Variants in SLC24A3 observed in about 807,000 individuals in gnomAD.
The protein encoded by SLC24A3 is sodium/potassium/calcium exchanger 3.
A neutral mutation model predicts 75.8 loss-of-function variants in SLC24A3; 28 were observed. The observed-to-expected ratio is 0.37, with a 90% CI of 0.27 to 0.51. The LOEUF (loss-of-function observed/expected upper bound fraction) is 0.51, where lower values mean the gene tolerates loss of function less well. Among genes scored for constraint, SLC24A3 ranks in the 20% least tolerant of loss-of-function variants. The pLI, the probability that SLC24A3 is intolerant of heterozygous loss-of-function variation, is 0.94. For synonymous variants in SLC24A3, 372 were observed against 334.1 expected (o/e 1.11, Z -1.24); for missense variants, 663 against 847.8 (o/e 0.78, Z 2.71).
chr20:19,651,400 CATAT>C (rs59934913), intron 6 of SLC24A3, among the ~76,000 whole-genome samples: 3 of 142,510 alleles, frequency 2.1e-5, no homozygotes, highest in African/African-American at 5.2e-5. Flanking sequence ...TATATACACA[CATAT>C]ATATATATAT....
rs1220914195 is a variant in SLC24A3 at position 19,668,009 on chromosome 20, C to T, written c.713+2120C>T. Among the ~76,000 whole-genome samples the T allele has an allele frequency of 5.9e-5, 9 of 152,268 alleles. No individual in the cohort carries two copies. The East Asian group carries it at 1.5e-3, about 26-fold the overall frequency. ...TGGATACATGAGTTGCAAATCCCCTCGTGTGTCTTGATCTATCTGGGGGGC... is the reference window on the plus strand; with the variant it reads ...TGGATACATGAGTTGCAAATCCCCTTGTGTGTCTTGATCTATCTGGGGGGC... On this transcript the variant is annotated intron_variant, in intron 8 of 16. Coordinates refer to ENST00000328041, the MANE Select transcript of SLC24A3 (RefSeq NM_020689.4).
At chr20:19,433,571 CT>C (rs1568616680) in intron 2 of SLC24A3, among the ~76,000 whole-genome samples, 1 of 152,182 alleles carries the variant, frequency 6.6e-6, no homozygotes, top group African/African-American at 2.4e-5. Context: ...CAAAATTCTT[CT>C]GCTGCCTTGT....
At chr20:19,366,721 A>G (rs935389928) in intron 2 of SLC24A3, among the ~76,000 whole-genome samples, 1 of 152,192 alleles carries the variant, frequency 6.6e-6, no homozygotes, top group South Asian at 2.1e-4. Context: ...AAGAAAAAAA[A>G]ATAGGGGCTG....
intron 1 of SLC24A3, among the ~76,000 whole-genome samples, chr20:19,250,179 T>A (rs1295314350): frequency 1.3e-5 from 2 of 152,246 alleles, no homozygotes; most frequent in Non-Finnish European, 2.9e-5. Flanking sequence ...CTTAAATTGC[T>A]GTCATTTTTG....
intron 2 of SLC24A3, among the ~76,000 whole-genome samples, chr20:19,452,376 ATGTG>A (rs34840970): frequency 0.077 from 8,728 of 112,900 alleles, 268 homozygotes; most frequent in Middle Eastern, 0.12. Context: ...CCTGTGGGGG[ATGTG>A]TGTGTGTGTG....
rs994175044 is a variant in SLC24A3, at chr20:19,641,425, G to C, written c.613-12637G>C. ...TAAATTTTTATTATAAATATAAAAG[G>C]GATATTAAAACAGATCTGCTGTATA... On this transcript the variant is annotated intron_variant, in intron 6 of 16. Transcript: ENST00000328041. Among the ~76,000 whole-genome samples the C allele has an allele frequency of 2.6e-5, 4 of 152,268 alleles. No homozygotes were observed. The South Asian group carries it at 8.3e-4, about 32-fold the overall frequency.
intron 2 of SLC24A3, among the ~76,000 whole-genome samples, chr20:19,378,124 A>T (rs1986117885): frequency 6.6e-6 from 1 of 151,988 alleles, no homozygotes; most frequent in South Asian, 2.1e-4. Flanking sequence ...GAGGTTTTGG[A>T]TGGAGAGTGC....
chr20:19,356,375 T>G (rs1219006799), intron 2 of SLC24A3, among the ~76,000 whole-genome samples: 1 of 152,238 alleles, frequency 6.6e-6, no homozygotes, highest in Non-Finnish European at 1.5e-5. Context: ...CACAAATGTA[T>G]GTACCCATGA....
chr20:19,261,396 G>A (rs992650741), intron 1 of SLC24A3, among the ~76,000 whole-genome samples: 5 of 152,180 alleles, frequency 3.3e-5, no homozygotes, highest in African/African-American at 1.2e-4. Flanking sequence ...GAGTGCAGTG[G>A]TGTGGCATGA....
intron 1 of SLC24A3, among the ~76,000 whole-genome samples, chr20:19,275,885 T>C (rs1309881069): frequency 1.3e-5 from 2 of 152,126 alleles, no homozygotes; most frequent in African/African-American, 2.4e-5. Flanking sequence ...ACATGTGACA[T>C]GTGAGCCTGC....
At chr20:19,515,619 G>C in intron 3 of SLC24A3, 55 bp downstream of exon 3, 1 of 1,578,178 alleles carries the variant, frequency 6.3e-7, no homozygotes, top group East Asian at 2.2e-5. Context: ...GCCTAGGGGT[G>C]TGGGGTGTGG....
intron 2 of SLC24A3, among the ~76,000 whole-genome samples, chr20:19,359,276 T>C (rs1600446863): frequency 6.6e-6 from 1 of 152,354 alleles, no homozygotes; most frequent in East Asian, 1.9e-4. Context: ...TCTTGTTCTT[T>C]CAAATTTCCC....
chr20:19,506,892 T>C (rs563019668), intron 2 of SLC24A3, among the ~76,000 whole-genome samples: 1 of 152,296 alleles, frequency 6.6e-6, no homozygotes, highest in South Asian at 2.1e-4. Flanking sequence ...TAAGATATGA[T>C]CTTTAGAACG....
At chr20:19,263,022 C>T (rs1983041612) in intron 1 of SLC24A3, among the ~76,000 whole-genome samples, 1 of 144,078 alleles carries the variant, frequency 6.9e-6, no homozygotes, top group African/African-American at 2.6e-5. Flanking sequence ...CTCCATCACC[C>T]ACTCCAGCCT....
chr20:19,278,364 C>T (rs1361346595), intron 1 of SLC24A3, among the ~76,000 whole-genome samples: 1 of 152,216 alleles, frequency 6.6e-6, no homozygotes, highest in Non-Finnish European at 1.5e-5. Flanking sequence ...CTACTCTGCT[C>T]TTCTACCGAT....
chr20:19,617,274 C>T (rs140434942), intron 6 of SLC24A3, among the ~76,000 whole-genome samples: 242 of 152,324 alleles, frequency 1.6e-3, no homozygotes, highest in African/African-American at 5.5e-3. Flanking sequence ...TGCAAGCCAG[C>T]GCATCTGTGC....
At chr20:19,482,408 G>A (rs1988069875) in intron 2 of SLC24A3, among the ~76,000 whole-genome samples, 1 of 152,066 alleles carries the variant, frequency 6.6e-6, no homozygotes. Context: ...CTCCAAATCT[G>A]CTTGCCCCTC....
At chr20:19,447,259 C>G (rs1240428542) in intron 2 of SLC24A3, among the ~76,000 whole-genome samples, 1 of 152,118 alleles carries the variant, frequency 6.6e-6, no homozygotes, top group Admixed American at 6.5e-5. Flanking sequence ...CCAATGTAGT[C>G]AGTTCTCAAT....
At chr20:19,345,937 G>C (rs961073741) in intron 2 of SLC24A3, among the ~76,000 whole-genome samples, 1 of 151,168 alleles carries the variant, frequency 6.6e-6, no homozygotes, top group Non-Finnish European at 1.5e-5. Context: ...CCACTACTAG[G>C]TATCTACCCA....
Sources: gnomAD v4.1 joint callset for allele counts (sites outside exome capture counted in the v4.1 genomes callset) on GRCh38, gnomAD v4.1.1 for gene constraint, MANE v1.5 for transcripts, NCBI Gene and HGNC (gene_info 2026-07-23, HGNC 2026-07-21) for gene names.